Variants in SMIM36 observed in about 807,000 individuals in gnomAD.
The protein encoded by SMIM36 is small integral membrane protein 36.
chr17:55,529,233 G>A, the SMIM36 span, among the ~76,000 whole-genome samples: 3 of 152,196 alleles, frequency 2.0e-5, no homozygotes, highest in East Asian at 3.8e-4. Flanking sequence ...ACAATACAAA[G>A]CAGAATATGG....
rs1909930585 is a variant in SMIM36 at position 55,501,070 on chromosome 17, A to ATTATAATATATAATATATTATTATATT, written c.*174+9808_*174+9809insAATATAATAATATATTATATATTATAA. On this transcript the variant is annotated intron_variant, in intron 1 of 4. Transcript: ENST00000636752. ...TATAATATATAATATATTATTATATATTATAATATATAATATACTATTATA... is the reference window on the plus strand; with the variant it reads ...TATAATATATAATATATTATTATATATTATAATATATAATATATTATTATATTTTATAATATATAATATACTATTATA... Among the ~76,000 whole-genome samples the ATTATAATATATAATATATTATTATATT allele has an allele frequency of 1.4e-4, 3 of 21,774 alleles. 1 individual carries two copies. The African/African-American group carries it at 1.4e-3, about 10-fold the overall frequency. The allele number at this position is 21,774 out of a possible 152,430, so 14.3% of individuals were successfully genotyped here.
In SMIM36 at chr17:55,495,927, C is replaced by T. The variant is rs111404793; in HGVS notation, c.*174+14952G>A. The stretch of plus-strand genomic sequence containing the variant: ...GTGAGAGTTGTCAAATCCAGTCTTG[C>T]TGCCATTTAAGAAATCAATTATTCC... On this transcript the variant is annotated intron_variant, in intron 1 of 4. Coordinates refer to ENST00000636752, the Ensembl canonical transcript of SMIM36. Among the ~76,000 whole-genome samples, 194 of 152,302 alleles carry T rather than the reference C, an allele frequency of 1.3e-3. 2 individuals carry two copies. The highest frequency in any genetic ancestry group is 4.2e-3 in the African/African-American group (176 of 41,560).
intron 1 of SMIM36, among the ~76,000 whole-genome samples, chr17:55,482,538 A>G (rs1328068218): frequency 6.6e-6 from 1 of 152,222 alleles, no homozygotes; most frequent in Non-Finnish European, 1.5e-5. Context: ...TTAATAGCCT[A>G]TAGTTTGCTT....
intron 1 of SMIM36, among the ~76,000 whole-genome samples, chr17:55,499,893 A>G (rs1909876779): frequency 6.6e-6 from 1 of 151,030 alleles, no homozygotes; most frequent in Admixed American, 6.6e-5. Flanking sequence ...ATATTTAAAA[A>G]TAAGACACAA....
the SMIM36 span, among the ~76,000 whole-genome samples, chr17:55,524,497 C>T: frequency 6.6e-6 from 1 of 152,202 alleles, no homozygotes; most frequent in African/African-American, 2.4e-5. Context: ...AATCACCACA[C>T]TGCTTTCTGC....
chr17:55,509,678 A>G (rs937350509), intron 1 of SMIM36, among the ~76,000 whole-genome samples: 14 of 152,320 alleles, frequency 9.2e-5, no homozygotes, highest in African/African-American at 3.1e-4. Flanking sequence ...ATTTCCACAC[A>G]GGTCCTGATG....
At chr17:55,495,435 G>C (rs1909791119) in intron 1 of SMIM36, among the ~76,000 whole-genome samples, 1 of 152,130 alleles carries the variant, frequency 6.6e-6, no homozygotes, top group Non-Finnish European at 1.5e-5. Flanking sequence ...GATCTAATCT[G>C]TTTGGATTCG....
At chr17:55,475,694 C>A (rs1227479637) in intron 3 of SMIM36, among the ~76,000 whole-genome samples, 2 of 152,162 alleles carry the variant, frequency 1.3e-5, no homozygotes, top group Non-Finnish European at 2.9e-5. Context: ...TTACACTGAA[C>A]CCCCTTGGGC....
chr17:55,527,963 T>C, the SMIM36 span: 9 of 152,414 alleles, frequency 5.9e-5, no homozygotes, highest in African/African-American at 1.7e-4. Flanking sequence ...TGCGTGTTCA[T>C]GCTGGCCTTT....
intron 4 of SMIM36, among the ~76,000 whole-genome samples, chr17:55,460,056 CTAG>C (rs1056680125): frequency 1.1e-4 from 16 of 152,110 alleles, no homozygotes; most frequent in African/African-American, 3.9e-4. Flanking sequence ...ATTATCACTA[CTAG>C]TAGTAGTAAC....
the SMIM36 span, among the ~76,000 whole-genome samples, chr17:55,518,429 G>C: frequency 8.5e-5 from 13 of 152,286 alleles, no homozygotes; most frequent in African/African-American, 2.6e-4. Flanking sequence ...TATAGCACTG[G>C]GTTCAACAAA....
intron 1 of SMIM36, among the ~76,000 whole-genome samples, chr17:55,482,342 A>C (rs8070676): frequency 6.6e-6 from 1 of 151,910 alleles, no homozygotes; most frequent in Admixed American, 6.6e-5. Flanking sequence ...CTATCTCATG[A>C]GTCCAAATCT....
At chr17:55,492,781 T>A (rs1909736812) in intron 1 of SMIM36, among the ~76,000 whole-genome samples, 1 of 152,188 alleles carries the variant, frequency 6.6e-6, no homozygotes, top group South Asian at 2.1e-4. Flanking sequence ...TCCCTGAAGA[T>A]CCAACACATC....
intron 3 of SMIM36, among the ~76,000 whole-genome samples, chr17:55,476,436 A>ACCT (rs1170957969): frequency 9.2e-5 from 14 of 152,108 alleles, no homozygotes; most frequent in African/African-American, 2.7e-4. Flanking sequence ...TTTTGGACTC[A>ACCT]GCACCCAGGT....
intron 1 of SMIM36, among the ~76,000 whole-genome samples, chr17:55,490,844 A>T (rs6504966): frequency 6.6e-6 from 1 of 151,892 alleles, no homozygotes; most frequent in East Asian, 1.9e-4. Context: ...CAACAAAATG[A>T]TATAGTATAA....
chr17:55,530,450 T>C, the SMIM36 span, among the ~76,000 whole-genome samples: 3 of 152,134 alleles, frequency 2.0e-5, no homozygotes, highest in Non-Finnish European at 4.4e-5. Context: ...ATCTAAGAGA[T>C]TGTAGAGCTA....
At chr17:55,488,860 T>C (rs1445626062) in intron 1 of SMIM36, among the ~76,000 whole-genome samples, 3 of 151,554 alleles carry the variant, frequency 2.0e-5, no homozygotes, top group Admixed American at 6.6e-5. Flanking sequence ...CTTGTATGAA[T>C]GCGTACACCT....
chr17:55,500,830 TATATATTATAATATATTATATTATA>T (rs1448307650), intron 1 of SMIM36, among the ~76,000 whole-genome samples: 187 of 17,850 alleles, frequency 0.01, 7 homozygotes, highest in Non-Finnish European at 0.016. Context: ...TATTTTATAA[TATATATTATAATATATTATATTATA>T]ATATATTATA....
the SMIM36 span, among the ~76,000 whole-genome samples, chr17:55,517,064 T>C: frequency 8.5e-5 from 13 of 152,204 alleles, no homozygotes; most frequent in Non-Finnish European, 1.6e-4. Flanking sequence ...CTTGGAAGAC[T>C]GCCAGGTTCC....
Sources: gnomAD v4.1 joint callset for allele counts (sites outside exome capture counted in the v4.1 genomes callset) on GRCh38, gnomAD v4.1.1 for gene constraint, MANE v1.5 for transcripts, NCBI Gene and HGNC (gene_info 2026-07-23, HGNC 2026-07-21) for gene names.